The following SLC17A8 variants were observed in gnomAD, a reference collection of about 807,000 sequenced individuals.
SLC17A8 encodes vesicular glutamate transporter 3.
A neutral mutation model predicts 58.0 loss-of-function variants in SLC17A8; 31 were observed. The ratio of observed to expected loss-of-function variants is 0.53; its 90% CI spans 0.40 to 0.72. The LOEUF is 0.72. Among genes scored for constraint, SLC17A8 ranks in the 30% least tolerant of loss-of-function variants. SLC17A8 has a pLI of 0.00. For missense variants in SLC17A8, 655 were observed against 727.8 expected, an observed-to-expected ratio of 0.90 and a Z score of 1.15; for synonymous variants, 228 against 249.0, an observed-to-expected ratio of 0.92 and a Z score of 0.79.
intron 1 of SLC17A8, among the ~76,000 whole-genome samples, chr12:100,369,283 T>C (rs894949032): frequency 1.3e-5 from 2 of 152,042 alleles, no homozygotes; most frequent in African/African-American, 4.8e-5. Context: ...CTCAAAACCA[T>C]AAATTAATAA....
chr12:100,410,025 G>C (rs1952855453), intron 9 of SLC17A8, among the ~76,000 whole-genome samples: 1 of 152,198 alleles, frequency 6.6e-6, no homozygotes, highest in Non-Finnish European at 1.5e-5. Flanking sequence ...CAGTGGTATT[G>C]AGAATGCATC....
rs761131801 is a variant in SLC17A8 at position 100,380,829 on chromosome 12, T to A, written c.230T>A (p.Ile77Asn). The A allele has an allele frequency of 4.6e-5, 74 of 1,614,128 alleles. 1 individual carries two copies. The South Asian group carries it at 7.9e-4, about 17-fold the overall frequency. Residue 77 changes from isoleucine to asparagine, a missense_variant, in exon 2 of 12, where the codon ATC becomes AAC. Ile to Asn is a moderately radical substitution (Grantham distance 149). Coordinates refer to ENST00000323346, the MANE Select transcript of SLC17A8 (RefSeq NM_139319.3). ...TGCTGCGGCCTCCCCAAGCGTTACATCATTGCTATCATGAGTGGGCTGGGA... is the reference window on the plus strand; with the variant it reads ...TGCTGCGGCCTCCCCAAGCGTTACAACATTGCTATCATGAGTGGGCTGGGA... ...CHCCGLPKRY[I>N]IAIMSGLGFC... is the part of the protein sequence containing the mutation.
chr12:100,406,594 G>C (rs1011364659), intron 9 of SLC17A8, among the ~76,000 whole-genome samples: 7 of 151,338 alleles, frequency 4.6e-5, no homozygotes, highest in Admixed American at 3.9e-4. Context: ...GGAGTGCAGT[G>C]GTGCAATCTC....
chr12:100,402,566 T>G, intron 7 of SLC17A8, 30 bp from the exon 8 acceptor site: 1 of 1,613,262 alleles, frequency 6.2e-7, no homozygotes, highest in Non-Finnish European at 8.5e-7. Context: ...ATATCTTTAC[T>G]AAAAATATCA....
intron 2 of SLC17A8, among the ~76,000 whole-genome samples, chr12:100,389,956 G>A (rs1449948577): frequency 6.6e-6 from 1 of 151,982 alleles, no homozygotes; most frequent in Non-Finnish European, 1.5e-5. Context: ...AAGTAGCTGG[G>A]ATTACAGGCG....
At chr12:100,402,228 ATTGGTACATTACCCATTT>A in intron 6 of SLC17A8, 94 bp from the exon 7 acceptor site, 1 of 1,211,748 alleles carries the variant, frequency 8.3e-7, no homozygotes, top group Non-Finnish European at 1.2e-6. Flanking sequence ...TTGTTACAAC[ATTGGTACATTACCCATTT>A]TACCTGAAAA....
Position 100,380,839 on chromosome 12 carries a change from C to G in SLC17A8, c.240C>G (p.Ile80Met). The G allele has an allele frequency of 6.2e-7, 1 of 1,614,160 alleles. No homozygotes were observed. Among genetic ancestry groups the G allele is most frequent in the Non-Finnish European group, 8.5e-7 (1 of 1,180,040 alleles). Residue 80 changes from isoleucine (I) to methionine (M), a missense_variant, in exon 2 of 12, where the codon ATC becomes ATG. By Grantham distance (10) the Ile-to-Met change is conservative (BLOSUM62 1). Transcript: ENST00000323346. ...CGLPKRYIIA[I>M]MSGLGFCISF... is the part of the protein sequence containing the mutation. ...TCCCCAAGCGTTACATCATTGCTAT[C>G]ATGAGTGGGCTGGGATTCTGCATTT...
Position 100,380,681 on chromosome 12 carries a change from CT to C in SLC17A8, c.102-19del. 1 of 1,613,308 alleles carries C rather than the reference CT, an allele frequency of 6.2e-7. No homozygotes were observed. The highest frequency in any genetic ancestry group is 8.5e-7 in the Non-Finnish European group (1 of 1,179,774). On this transcript the variant is annotated intron_variant, in intron 1 of 11. Transcript: ENST00000323346. ...TTTAATCCTGGCTTTTATTTTCTGC[CT>C]ATCCTTTTTCCCATGTAGAAAAATC...
intron 1 of SLC17A8, among the ~76,000 whole-genome samples, chr12:100,362,006 C>G (rs1952488138): frequency 6.6e-6 from 1 of 152,042 alleles, no homozygotes; most frequent in South Asian, 2.1e-4. Context: ...AAGAGCCAAG[C>G]AAGGATGCAT....
rs1277000286 is a variant in SLC17A8, at chr12:100,357,627, C to G, written c.101+135C>G. 1.6e-5 allele frequency: 11 copies of G among 693,432 alleles called. No individual in the cohort carries two copies. The Admixed American group carries it at 1.9e-4, about 12-fold the overall frequency. 43.0% of individuals were successfully genotyped at this position (693,432 alleles called of 1,614,324 possible). ...GGTCAGATTAGATCCTTCTGGAGCCCCTTCTAGCTCCAGTAGTCTATGCCT... is the reference window on the plus strand; with the variant it reads ...GGTCAGATTAGATCCTTCTGGAGCCGCTTCTAGCTCCAGTAGTCTATGCCT... On this transcript the variant is annotated intron_variant, in intron 1 of 11. Coordinates refer to ENST00000323346, the MANE Select transcript of SLC17A8 (RefSeq NM_139319.3).
At chr12:100,363,343 C>T (rs566336287) in intron 1 of SLC17A8, among the ~76,000 whole-genome samples, 5 of 152,142 alleles carry the variant, frequency 3.3e-5, no homozygotes, top group Non-Finnish European at 7.3e-5. Flanking sequence ...CCACTGGGCA[C>T]ACAGCACCAT....
At chr12:100,370,632 A>T (rs1307133803) in intron 1 of SLC17A8, among the ~76,000 whole-genome samples, 3 of 149,346 alleles carry the variant, frequency 2.0e-5, no homozygotes, top group African/African-American at 7.4e-5. Context: ...AAAAAAAAAA[A>T]AAGCAAAGAC....
intron 4 of SLC17A8, among the ~76,000 whole-genome samples, chr12:100,393,744 T>C (rs1031510707): frequency 3.3e-5 from 5 of 152,234 alleles, no homozygotes; most frequent in African/African-American, 1.2e-4. Flanking sequence ...TTCATTTTAA[T>C]AGATAGTGTA....
At chr12:100,400,810 G>C (rs1176827911) in intron 5 of SLC17A8, among the ~76,000 whole-genome samples, 1 of 152,034 alleles carries the variant, frequency 6.6e-6, no homozygotes, top group Non-Finnish European at 1.5e-5. Flanking sequence ...CCAGAGGATA[G>C]CAGAGGTCAG....
At chr12:100,412,380 A>T (rs989622856) in intron 9 of SLC17A8, among the ~76,000 whole-genome samples, 8 of 151,980 alleles carry the variant, frequency 5.3e-5, no homozygotes, top group Admixed American at 5.2e-4. Flanking sequence ...GAACACATGG[A>T]TACAGGGAGG....
At chr12:100,397,649 G>A (rs528196001) in intron 5 of SLC17A8, among the ~76,000 whole-genome samples, 1 of 152,190 alleles carries the variant, frequency 6.6e-6, no homozygotes, top group Non-Finnish European at 1.5e-5. Flanking sequence ...GAAGGTAAAA[G>A]TACCTTAGAC....
At position 100,391,083 on chromosome 12, in the gene SLC17A8, C is replaced by T; in HGVS notation, c.437C>T (p.Pro146Leu). The T allele has an allele frequency of 6.2e-7, 1 of 1,613,550 alleles. No individual in the cohort carries two copies. The highest frequency in any genetic ancestry group is 8.5e-7 in the Non-Finnish European group (1 of 1,179,620). Residue 146 changes from proline to leucine, a missense_variant, in exon 3 of 12, where the codon CCA (proline) becomes CTA (leucine). By Grantham distance (98) the Pro-to-Leu change is moderately conservative. Transcript: ENST00000323346. ...TGGGGCTATATTATGACACAAATTC[C>T]AGGTGGTTTCATTTCAAACAAGTTT... ...FFWGYIMTQI[P>L]GGFISNKFAA...
At chr12:100,419,525 T>C (rs1952931857) in intron 11 of SLC17A8, among the ~76,000 whole-genome samples, 1 of 148,192 alleles carries the variant, frequency 6.7e-6, no homozygotes, top group African/African-American at 2.5e-5. Context: ...AGAGCGAGAC[T>C]CCATCTCAAA....
At chr12:100,392,874 C>G (rs1314886482) in intron 3 of SLC17A8, among the ~76,000 whole-genome samples, 2 of 152,174 alleles carry the variant, frequency 1.3e-5, no homozygotes, top group Admixed American at 6.5e-5. Context: ...CATACAGTAA[C>G]AGTCAGAAAA....
Sources: allele counts gnomAD v4.1 joint callset (sites outside exome capture counted in the v4.1 genomes callset), GRCh38; gene constraint gnomAD v4.1.1; transcripts MANE v1.5; gene names NCBI Gene and HGNC (gene_info 2026-07-23, HGNC 2026-07-21).